The following FAM174B variants were observed in gnomAD, a reference collection of about 807,000 sequenced individuals.
FAM174B encodes family with sequence similarity 174 member B.
FAM174B carries 12 observed loss-of-function variants against 10.9 expected under a neutral mutation model. That is an observed-to-expected ratio of 1.10 (90% CI 0.71 to 1.79). FAM174B has a LOEUF of 1.79. Ranked by LOEUF, FAM174B falls within the 40% of genes most tolerant of loss-of-function variation. The pLI is 0.00. For missense variants in FAM174B, 266 were observed against 233.3 expected (o/e 1.14, Z -0.91); for synonymous variants, 132 against 115.8 (o/e 1.14, Z -0.90).
At chr15:92,626,000 C>T (rs772367999) in intron 2 of FAM174B, among the ~76,000 whole-genome samples, 11 of 152,048 alleles carry the variant, frequency 7.2e-5, no homozygotes, top group Admixed American at 1.3e-4. Context: ...CGTTTAAGGA[C>T]TTGGGAGCAG....
Position 92,619,423 on chromosome 15 carries a change from T to C in FAM174B, c.*33A>G. ...ACCCCAGGTTGCAGCTGACCAACTT[T>C]CCACAGGATGCCACCAGGCTGGGAA... On this transcript the variant is annotated 3_prime_UTR_variant, in exon 3 of 3. Coordinates refer to ENST00000327355, the MANE Select transcript of FAM174B (RefSeq NM_207446.3). 1 of 1,613,864 alleles carries C rather than the reference T, an allele frequency of 6.2e-7. No individual in the cohort carries two copies. The highest frequency in any genetic ancestry group is 8.5e-7 in the Non-Finnish European group (1 of 1,179,834).
At chr15:92,632,095 T>C (rs920160784) in intron 1 of FAM174B, among the ~76,000 whole-genome samples, 1 of 152,202 alleles carries the variant, frequency 6.6e-6, no homozygotes, top group Non-Finnish European at 1.5e-5. Context: ...TTAGGGATGA[T>C]AAATAAAGAG....
intron 2 of FAM174B, among the ~76,000 whole-genome samples, chr15:92,626,757 A>C (rs1229486303): frequency 2.0e-5 from 3 of 152,084 alleles, no homozygotes; most frequent in Non-Finnish European, 4.4e-5. Flanking sequence ...CTGTATTAAA[A>C]ACCACCAAGT....
chr15:92,647,455 C>CA (rs1203656258), intron 1 of FAM174B, among the ~76,000 whole-genome samples: 1 of 152,162 alleles, frequency 6.6e-6, no homozygotes, highest in Admixed American at 6.5e-5. Context: ...CTAAGCCCCC[C>CA]AGCCAGTTGA....
chr15:92,632,097 A>G (rs2050823169), intron 1 of FAM174B, among the ~76,000 whole-genome samples: 2 of 152,222 alleles, frequency 1.3e-5, no homozygotes, highest in African/African-American at 4.8e-5. Context: ...AGGGATGATA[A>G]ATAAAGAGGA....
At chr15:92,655,064 A>AT in intron 1 of FAM174B, 1 of 364,046 alleles carries the variant, frequency 2.7e-6, no homozygotes, top group Non-Finnish European at 4.8e-6. Flanking sequence ...AAGCCAACAA[A>AT]TGGGAACCAC....
chr15:92,623,615 A>AGGAACACCTGTT (rs1292221787), intron 2 of FAM174B, among the ~76,000 whole-genome samples: 2 of 152,228 alleles, frequency 1.3e-5, no homozygotes, highest in Non-Finnish European at 2.9e-5. Context: ...CCCTCAACAC[A>AGGAACACCTGTT]GGAACACCTG....
chr15:92,623,661 A>T (rs1213136445), intron 2 of FAM174B, among the ~76,000 whole-genome samples: 1 of 152,230 alleles, frequency 6.6e-6, no homozygotes, highest in African/African-American at 2.4e-5. Flanking sequence ...GCACCCTGGC[A>T]GCTGACGTCT....
chr15:92,625,206 C>A (rs992659288), intron 2 of FAM174B, among the ~76,000 whole-genome samples: 3 of 151,978 alleles, frequency 2.0e-5, no homozygotes, highest in Non-Finnish European at 2.9e-5. Context: ...TCCTACCCTG[C>A]CTGTATTCTT....
intron 1 of FAM174B, among the ~76,000 whole-genome samples, chr15:92,630,628 C>T (rs1051342925): frequency 9.3e-5 from 14 of 150,868 alleles, no homozygotes; most frequent in African/African-American, 3.4e-4. Flanking sequence ...AAGCAGAGGT[C>T]CCTGGTCTGA....
chr15:92,651,073 AT>A (rs1000816009), intron 1 of FAM174B, among the ~76,000 whole-genome samples: 2 of 152,372 alleles, frequency 1.3e-5, no homozygotes, highest in African/African-American at 4.8e-5. Flanking sequence ...AGGCTCAACT[AT>A]GGTAGAAAAT....
At chr15:92,624,093 G>A (rs1014167059) in intron 2 of FAM174B, among the ~76,000 whole-genome samples, 8 of 152,256 alleles carry the variant, frequency 5.3e-5, no homozygotes, top group South Asian at 2.1e-4. Flanking sequence ...AAAATTGCCC[G>A]CAGGCTGCCA....
At chr15:92,641,500 A>T (rs1226302882) in intron 1 of FAM174B, among the ~76,000 whole-genome samples, 1 of 152,368 alleles carries the variant, frequency 6.6e-6, no homozygotes, top group East Asian at 1.9e-4. Flanking sequence ...AGAGCTTTTT[A>T]GGAATAACCA....
intron 1 of FAM174B, among the ~76,000 whole-genome samples, chr15:92,634,113 GAC>G (rs1318096295): frequency 3.3e-5 from 5 of 152,178 alleles, no homozygotes; most frequent in African/African-American, 9.7e-5. Context: ...GTCCATTTCT[GAC>G]ACACAGCTAA....
intron 1 of FAM174B, 65 bp downstream of exon 1, chr15:92,655,251 C>T: frequency 6.9e-7 from 1 of 1,443,314 alleles, no homozygotes; most frequent in Non-Finnish European, 9.1e-7. Flanking sequence ...GGGCGCGCGG[C>T]GACAGCAGGT....
intron 1 of FAM174B, chr15:92,645,722 G>A (rs2050922259): frequency 1.3e-5 from 2 of 152,318 alleles, no homozygotes; most frequent in South Asian, 2.1e-4. Flanking sequence ...ATGACCCAGA[G>A]GGGCCCTTGG....
chr15:92,631,013 T>C (rs868219093), intron 1 of FAM174B, among the ~76,000 whole-genome samples: 14 of 6,670 alleles, frequency 2.1e-3, no homozygotes, highest in African/African-American at 3.3e-3. Context: ...TTACATATTA[T>C]ATATTATATA....
At chr15:92,631,361 A>T (rs1166653531) in intron 1 of FAM174B, among the ~76,000 whole-genome samples, 5 of 20,906 alleles carry the variant, frequency 2.4e-4, no homozygotes, top group Non-Finnish European at 3.8e-4. Flanking sequence ...TATATTATAT[A>T]TTATATTATA....
intron 2 of FAM174B, 37 bp downstream of exon 2, chr15:92,630,177 C>A (rs371249126): frequency 6.2e-7 from 1 of 1,608,132 alleles, no homozygotes; most frequent in African/African-American, 1.3e-5. Flanking sequence ...ACCCACTGCC[C>A]CAAGCCCAGG....
Sources: gnomAD v4.1 joint callset for allele counts (sites outside exome capture counted in the v4.1 genomes callset) on GRCh38, gnomAD v4.1.1 for gene constraint, MANE v1.5 for transcripts, NCBI Gene and HGNC (gene_info 2026-07-23, HGNC 2026-07-21) for gene names.